The following FGD5 variants were observed in gnomAD, a reference collection of about 807,000 sequenced individuals.
The protein encoded by FGD5 is FYVE, RhoGEF and PH domain containing 5.
In FGD5, 28 loss-of-function variants were observed where a neutral mutation model predicts 133.4. The observed-to-expected ratio is 0.21, with a 90% CI of 0.16 to 0.29. The LOEUF is 0.29. Ranked by LOEUF, FGD5 falls within the 10% of genes least tolerant of loss-of-function variation. The pLI is 1.00. For missense variants in FGD5, 1,858 were observed against 1,895.2 expected (o/e 0.98, Z 0.36); for synonymous variants, 810 against 776.5 (o/e 1.04, Z -0.72).
Position 14,844,247 on chromosome 3 carries a change from T to A in FGD5, c.2526-19881T>A, listed in dbSNP as rs1294610520. Among the ~76,000 whole-genome samples, 491 of 54,638 alleles carry A rather than the reference T, an allele frequency of 9.0e-3. 32 individuals carry two copies. The highest frequency in any genetic ancestry group is 0.023 in the African/African-American group (291 of 12,474). 35.8% of individuals were successfully genotyped at this position (54,638 alleles called of 152,430 possible). A position where few individuals can be genotyped will look rare whatever the true frequency, so the allele number is the denominator to read the frequency against. On this transcript the variant is annotated intron_variant, in intron 1 of 19. Coordinates refer to ENST00000285046, the MANE Select transcript of FGD5 (RefSeq NM_152536.4). ...ATATATATATATATATATATATATA[T>A]ATATATATATATATATATATATATA...
chr3:14,928,578 C>T (rs1022343294), intron 18 of FGD5, among the ~76,000 whole-genome samples: 1 of 152,016 alleles, frequency 6.6e-6, no homozygotes, highest in Non-Finnish European at 1.5e-5. Context: ...AACCTCGTCT[C>T]TACTAAAAAT....
At chr3:14,860,751 A>G (rs1425086060) in intron 1 of FGD5, among the ~76,000 whole-genome samples, 3 of 151,934 alleles carry the variant, frequency 2.0e-5, no homozygotes, top group Non-Finnish European at 2.9e-5. Context: ...AGGTGGGAGG[A>G]TTGCTTGAAC....
chr3:14,857,292 T>C (rs781317350), intron 1 of FGD5, among the ~76,000 whole-genome samples: 9 of 152,156 alleles, frequency 5.9e-5, no homozygotes, highest in Middle Eastern at 3.4e-3. Context: ...CTGAGGCTAA[T>C]AGCTATAGGG....
intron 2 of FGD5, among the ~76,000 whole-genome samples, chr3:14,866,943 T>C (rs1462858732): frequency 6.6e-6 from 1 of 151,890 alleles, no homozygotes; most frequent in Non-Finnish European, 1.5e-5. Flanking sequence ...GGTGGGTGAG[T>C]CTAGGCTCAT....
At chr3:14,858,791 G>C (rs1227070512) in intron 1 of FGD5, among the ~76,000 whole-genome samples, 1 of 152,162 alleles carries the variant, frequency 6.6e-6, no homozygotes, top group African/African-American at 2.4e-5. Context: ...GGGAAGACGT[G>C]GTTACTTGCC....
At position 14,874,187 on chromosome 3, in the gene FGD5, G is replaced by A. The variant is rs141406418; in HGVS notation, c.2659-6385G>A. Among the ~76,000 whole-genome samples, 394 of 152,306 alleles carry A rather than the reference G, an allele frequency of 2.6e-3. 4 individuals carry two copies. Among genetic ancestry groups the A allele is most frequent in the African/African-American group, 8.9e-3 (370 of 41,568 alleles). ...TGCTGAATGAAATAAGCCAGTCACC[G>A]ATGGACAAATACTGCATGAGTGCAC... On this transcript the variant is annotated intron_variant, in intron 2 of 19. Transcript: ENST00000285046.
chr3:14,834,015 G>A (rs2036767893), intron 1 of FGD5, among the ~76,000 whole-genome samples: 1 of 152,176 alleles, frequency 6.6e-6, no homozygotes, highest in Non-Finnish European at 1.5e-5. Context: ...GTTGCAGCGG[G>A]ATACTTTTTC....
At chr3:14,879,902 A>G (rs937176037) in intron 2 of FGD5, among the ~76,000 whole-genome samples, 1 of 152,224 alleles carries the variant, frequency 6.6e-6, no homozygotes, top group African/African-American at 2.4e-5. Flanking sequence ...AGAATTCCTC[A>G]GTACAGGGAA....
chr3:14,926,342 TG>T (rs2038802859), intron 18 of FGD5, 144 bp downstream of exon 18: 1 of 1,012,452 alleles, frequency 9.9e-7, no homozygotes, highest in Non-Finnish European at 1.5e-6. Flanking sequence ...TAGTGAGCAA[TG>T]CCATGTGCTC....
chr3:14,851,903 A>T (rs1391797399), intron 1 of FGD5, among the ~76,000 whole-genome samples: 2 of 143,920 alleles, frequency 1.4e-5, no homozygotes, highest in Admixed American at 7.3e-5. Context: ...AGCCACTTCA[A>T]ACCCACTAGG....
intron 9 of FGD5, among the ~76,000 whole-genome samples, chr3:14,901,661 A>G (rs2038241458): frequency 6.6e-6 from 1 of 152,190 alleles, no homozygotes; most frequent in African/African-American, 2.4e-5. Flanking sequence ...TCACTGGAAA[A>G]GAGTTCAGTG....
intron 2 of FGD5, among the ~76,000 whole-genome samples, chr3:14,866,576 G>T (rs1575217986): frequency 1.3e-5 from 2 of 152,150 alleles, no homozygotes; most frequent in African/African-American, 2.4e-5. Context: ...CACTCTGCTC[G>T]TAGGATTCCC....
chr3:14,826,311 TCTC>T (rs1449100447), intron 1 of FGD5, among the ~76,000 whole-genome samples: 1 of 152,016 alleles, frequency 6.6e-6, no homozygotes, highest in Non-Finnish European at 1.5e-5. Flanking sequence ...CTTCCCCTCT[TCTC>T]CTCTGCCCCT....
upstream of FGD5, among the ~76,000 whole-genome samples, chr3:14,814,272 T>G (rs769646856): frequency 2.6e-5 from 4 of 152,154 alleles, no homozygotes; most frequent in South Asian, 2.1e-4. Flanking sequence ...AGCCTATAGT[T>G]TCGCCCTACC....
At position 14,831,037 on chromosome 3, in the gene FGD5, C is replaced by T. The variant is rs572838593; in HGVS notation, c.2525+9441C>T. Among the ~76,000 whole-genome samples, 3 of 152,280 alleles carry T rather than the reference C, an allele frequency of 2.0e-5. No homozygotes were observed. The East Asian group carries it at 5.8e-4, about 29-fold the overall frequency. On this transcript the variant is annotated intron_variant, in intron 1 of 19. Coordinates refer to ENST00000285046, the MANE Select transcript of FGD5 (RefSeq NM_152536.4). ...GACAGGGTGATCAGGGAAGGCTTCT[C>T]TGAAGAGGTGAACTTGAGTGAAACG...
At chr3:14,906,583 G>A (rs1038038679) in intron 9 of FGD5, among the ~76,000 whole-genome samples, 5 of 152,238 alleles carry the variant, frequency 3.3e-5, no homozygotes, top group Non-Finnish European at 5.9e-5. Flanking sequence ...GTGGGCACGT[G>A]GCAGAGACTC....
intron 8 of FGD5, 79 bp from the exon 9 acceptor site, chr3:14,900,924 C>A: frequency 3.3e-6 from 5 of 1,536,356 alleles, no homozygotes; most frequent in Non-Finnish European, 4.5e-6. Context: ...GGGCTTGAGG[C>A]CTGTGACCTG....
chr3:14,920,704 A>G (rs2038660136), intron 13 of FGD5, among the ~76,000 whole-genome samples: 1 of 152,218 alleles, frequency 6.6e-6, no homozygotes, highest in South Asian at 2.1e-4. Flanking sequence ...CGCCGCCGTG[A>G]TCCTCATCAC....
chr3:14,816,986 G>A (rs1022328301), upstream of FGD5, among the ~76,000 whole-genome samples: 6 of 152,142 alleles, frequency 3.9e-5, no homozygotes, highest in South Asian at 2.1e-4. Flanking sequence ...GGACAGTACC[G>A]TAGCCACCAG....
Sources: allele counts gnomAD v4.1 joint callset (sites outside exome capture counted in the v4.1 genomes callset), GRCh38; gene constraint gnomAD v4.1.1; transcripts MANE v1.5; gene names NCBI Gene and HGNC (gene_info 2026-07-23, HGNC 2026-07-21).